The following ESF1 variants were observed in gnomAD, a reference collection of about 807,000 sequenced individuals.
ESF1 encodes the protein ESF1 nucleolar pre-rRNA processing protein.
Under a neutral mutation model 92.0 loss-of-function variants are expected in ESF1, and 58 were observed. That is an observed-to-expected ratio of 0.63 (90% CI 0.51 to 0.78). ESF1 has a LOEUF of 0.78. Ranked by LOEUF, ESF1 falls within the 30% of genes least tolerant of loss-of-function variation. ESF1 has a pLI of 0.00. For missense variants in ESF1, 922 were observed against 989.1 expected (o/e 0.93, Z 0.91); for synonymous variants, 321 against 313.7 (o/e 1.02, Z -0.24).
chr20:13,751,580 G>A (rs552685292), intron 9 of ESF1, among the ~76,000 whole-genome samples: 10 of 152,128 alleles, frequency 6.6e-5, no homozygotes, highest in Admixed American at 3.3e-4. Context: ...ATGTGGGGGG[G>A]AACCAGATCA....
At chr20:13,751,799 C>T (rs1489813230) in intron 9 of ESF1, among the ~76,000 whole-genome samples, 3 of 151,972 alleles carry the variant, frequency 2.0e-5, no homozygotes, top group Admixed American at 1.3e-4. Context: ...GTCAAGAGAT[C>T]GGCCAGCCAA....
Position 13,714,860 on chromosome 20 carries a change from T to G in ESF1, c.*14A>C. On this transcript the variant is annotated 3_prime_UTR_variant, in exon 14 of 14. Coordinates refer to ENST00000617257, the MANE Select transcript of ESF1 (RefSeq NM_001276380.2). ...GGAAAAGATGTATTCAGTTCAAAAA[T>G]AAGTAACATCCAGTTATTTGACTTT... is the stretch of plus-strand genomic sequence containing the variant. 1.3e-6 allele frequency: 2 copies of G among 1,578,890 alleles called. No individual in the cohort carries two copies. The highest frequency in any genetic ancestry group is 1.7e-6 in the Non-Finnish European group (2 of 1,165,496).
chr20:13,760,337 T>C (rs1030829113), intron 8 of ESF1, among the ~76,000 whole-genome samples: 2 of 150,606 alleles, frequency 1.3e-5, no homozygotes, highest in African/African-American at 4.9e-5. Flanking sequence ...CGCCATCCCA[T>C]CTAGGAAGTG....
At chr20:13,759,950 C>A in intron 8 of ESF1, 97 bp from the exon 9 acceptor site, 1 of 1,427,952 alleles carries the variant, frequency 7.0e-7, no homozygotes. Flanking sequence ...TGCTGTTAGA[C>A]CACAGGATAT....
In ESF1 at chr20:13,782,138, A is replaced by G. The variant is rs146377990; in HGVS notation, c.637+366T>C. On this transcript the variant is annotated intron_variant, in intron 2 of 13. Transcript: ENST00000617257. Reference sequence around the variant, plus strand: ...AGTGATCTGCCCGCCTTGGCCTGCCAAAGTGCTGGGATTACAGGCGTGAGC... The same window carrying G: ...AGTGATCTGCCCGCCTTGGCCTGCCGAAGTGCTGGGATTACAGGCGTGAGC... Among the ~76,000 whole-genome samples the G allele has an allele frequency of 9.6e-3, 1,463 of 152,260 alleles. 28 individuals are homozygous for G. Among genetic ancestry groups the G allele is most frequent in the African/African-American group, 0.032 (1,329 of 41,532 alleles).
chr20:13,746,648 T>A (rs1471537128), intron 9 of ESF1, among the ~76,000 whole-genome samples: 1 of 152,040 alleles, frequency 6.6e-6, no homozygotes, highest in East Asian at 1.9e-4. Flanking sequence ...CCTGGAAGAG[T>A]TTCCTGTCCA....
chr20:13,771,564 A>AGAAAAACATATTACAAGCTGGCCTTC, intron 5 of ESF1, 81 bp from the exon 6 acceptor site: 1 of 1,180,640 alleles, frequency 8.5e-7, no homozygotes, highest in Non-Finnish European at 1.2e-6. Context: ...AATTCTTTCA[A>AGAAAAACATATTACAAGCTGGCCTTC]GAAAAACATA....
intron 9 of ESF1, among the ~76,000 whole-genome samples, chr20:13,752,229 C>T (rs578229314): frequency 7.9e-5 from 12 of 152,228 alleles, no homozygotes; most frequent in Admixed American, 2.0e-4. Flanking sequence ...ACCTTACAAA[C>T]GCCTCATAGT....
At chr20:13,721,964 G>C (rs1222210726) in intron 11 of ESF1, among the ~76,000 whole-genome samples, 1 of 151,962 alleles carries the variant, frequency 6.6e-6, no homozygotes, top group Non-Finnish European at 1.5e-5. Context: ...ACTTGCTTAG[G>C]GTATGAACCC....
chr20:13,770,457 G>A (rs940068954), intron 6 of ESF1, among the ~76,000 whole-genome samples: 4 of 152,088 alleles, frequency 2.6e-5, no homozygotes, highest in Non-Finnish European at 4.4e-5. Flanking sequence ...AAGTCTCAAC[G>A]GCCTGGGCTC....
At chr20:13,761,619 A>T (rs1979206599) in intron 8 of ESF1, among the ~76,000 whole-genome samples, 1 of 152,084 alleles carries the variant, frequency 6.6e-6, no homozygotes. Context: ...TCCATTTTTG[A>T]GCAAGCATGC....
rs144664974 is a variant in ESF1, at chr20:13,775,162, C to G, written c.1144G>C (p.Val382Leu). Reference protein sequence around the residue: ...FKPKGGVIFSVKIYPSEFGKE... With the variant: ...FKPKGGVIFSLKIYPSEFGKE... Reference sequence around the variant, plus strand: ...AAAATGAAATCAATTCTCACCTTGACGGAAAATATTACACCTCCTTTGGGT... The same window carrying G: ...AAAATGAAATCAATTCTCACCTTGAGGGAAAATATTACACCTCCTTTGGGT... The change falls in exon 4 of 14, where the codon GTC (valine) becomes CTC (leucine). Residue 382 changes from valine (V) to leucine (L), a missense_variant. Transcript: ENST00000617257. 7.0e-6 allele frequency: 11 copies of G among 1,576,584 alleles called. No homozygotes were observed. The highest frequency in any genetic ancestry group is 1.2e-5 in the South Asian group (1 of 84,916).
intron 9 of ESF1, among the ~76,000 whole-genome samples, chr20:13,739,436 T>A (rs2049997034): frequency 6.6e-6 from 1 of 152,204 alleles, no homozygotes; most frequent in Admixed American, 6.5e-5. Context: ...GAGCTATTGT[T>A]TCCTGTATTT....
At chr20:13,743,647 G>A (rs1411327654) in intron 9 of ESF1, among the ~76,000 whole-genome samples, 1 of 152,134 alleles carries the variant, frequency 6.6e-6, no homozygotes. Context: ...ACCTAGTAGA[G>A]TTCATTTATA....
At position 13,714,615 on chromosome 20, in the gene ESF1, C is replaced by T; in HGVS notation, c.*259G>A. The T allele has an allele frequency of 1.1e-5, 3 of 282,148 alleles. No homozygotes were observed. Among genetic ancestry groups the T allele is most frequent in the Admixed American group, 9.5e-5 (2 of 21,070 alleles). 17.5% of individuals were successfully genotyped at this position (282,148 alleles called of 1,614,324 possible). ...TAACTTTCCACTAGTTAGAACTGAACATTGTAAAATATAAAAATTTTATAA... is the reference window on the plus strand; with the variant it reads ...TAACTTTCCACTAGTTAGAACTGAATATTGTAAAATATAAAAATTTTATAA... On this transcript the variant is annotated 3_prime_UTR_variant, in exon 14 of 14. Coordinates refer to ENST00000617257, the MANE Select transcript of ESF1 (RefSeq NM_001276380.2).
rs34414644 is a variant in ESF1 at position 13,714,960 on chromosome 20, T to G, written c.2470A>C (p.Ile824Leu). The G allele has an allele frequency of 0.12, 194,892 of 1,613,934 alleles. 12,689 individuals are homozygous for G. Among genetic ancestry groups the G allele is most frequent in the Admixed American group, 0.14 (8,124 of 60,008 alleles). ...EIEKESQRKS[I>L]DPALSMLIKS... ...ATCAACATTGACAAAGCAGGATCAA[T>G]GGACTTCCTTTGTGATTCCTTTTCA... The change falls in exon 14 of 14, where the codon ATT (isoleucine) becomes CTT (leucine). Residue 824 changes from isoleucine to leucine, a missense_variant. Physicochemically the swap from Ile to Leu is conservative, Grantham distance 5 (BLOSUM62 2). Transcript: ENST00000617257.
chr20:13,783,065 G>T lies in ESF1; in HGVS notation c.76C>A (p.Pro26Thr). Residue 26 changes from proline (P) to threonine (T), a missense_variant, in exon 2 of 14, where the codon CCA (proline) becomes ACA (threonine). Pro to Thr is a conservative substitution (Grantham distance 38). Transcript: ENST00000617257. ...VAKDPRFWEM[P>T]EKDRKVKIDK... is the part of the protein sequence containing the mutation. ...ATTTTGACTTTTCGATCCTTTTCTG[G>T]CATTTCCCAAAATCTCGGGTCCTTT... 6.2e-7 allele frequency: 1 copy of T among 1,613,752 alleles called. No individual in the cohort carries two copies. Among genetic ancestry groups the T allele is most frequent in the Non-Finnish European group, 8.5e-7 (1 of 1,179,976 alleles).
intron 8 of ESF1, among the ~76,000 whole-genome samples, chr20:13,760,618 G>A (rs1398100525): frequency 6.6e-6 from 1 of 152,066 alleles, no homozygotes. Context: ...CGTCTGGGAA[G>A]TGAGGAGCGT....
chr20:13,752,789 A>T (rs1256382135), intron 9 of ESF1, among the ~76,000 whole-genome samples: 7 of 152,230 alleles, frequency 4.6e-5, no homozygotes, highest in Admixed American at 4.6e-4. Context: ...ACGAAGGATA[A>T]AGAACAGATA....
Sources: gnomAD v4.1 joint callset for allele counts (sites outside exome capture counted in the v4.1 genomes callset) on GRCh38, gnomAD v4.1.1 for gene constraint, MANE v1.5 for transcripts, NCBI Gene and HGNC (gene_info 2026-07-23, HGNC 2026-07-21) for gene names.